Variants in RAB20 observed in about 807,000 individuals in gnomAD.
The protein encoded by RAB20 is RAB20, member RAS oncogene family, also known as ras-related protein Rab-20.
In RAB20, 2 loss-of-function variants were observed where a neutral mutation model predicts 3.7. That is an observed-to-expected ratio of 0.54 (90% CI 0.22 to 1.69). The LOEUF is 1.69. Ranked by LOEUF, RAB20 falls within the 40% of genes most tolerant of loss-of-function variation. The probability of loss-of-function intolerance (pLI) is 0.19; values close to 1 mark genes in which losing one functional copy is unlikely to be tolerated. For missense variants in RAB20, 276 were observed against 311.9 expected, an observed-to-expected ratio of 0.88 and a Z score of 0.87; for synonymous variants, 126 against 130.8, an observed-to-expected ratio of 0.96 and a Z score of 0.25.
At chr13:110,532,528 C>A (rs998040667) in intron 1 of RAB20, among the ~76,000 whole-genome samples, 21 of 152,134 alleles carry the variant, frequency 1.4e-4, no homozygotes, top group African/African-American at 5.1e-4. Context: ...AGGCACACAC[C>A]ACCAAGCCCA....
chr13:110,535,968 T>C (rs1453777767), intron 1 of RAB20, among the ~76,000 whole-genome samples: 2 of 152,178 alleles, frequency 1.3e-5, no homozygotes, highest in Non-Finnish European at 1.5e-5. Flanking sequence ...GTGGCCTCAT[T>C]TGGAAACAGG....
At position 110,533,024 on chromosome 13, in the gene RAB20, G is replaced by C. The variant is rs865827816; in HGVS notation, c.173-8827C>G. Among the ~76,000 whole-genome samples the C allele has an allele frequency of 2.6e-5, 4 of 151,976 alleles. No individual in the cohort carries two copies. The South Asian group carries it at 6.2e-4, about 24-fold the overall frequency. On this transcript the variant is annotated intron_variant, in intron 1 of 1. Transcript: ENST00000267328. Reference sequence around the variant, plus strand: ...GATGAGTTCTCTGCCTTGCCAGATCGGACAGCCCCCTGGCAGGGAGCTCAC... The same window carrying C: ...GATGAGTTCTCTGCCTTGCCAGATCCGACAGCCCCCTGGCAGGGAGCTCAC...
intron 1 of RAB20, among the ~76,000 whole-genome samples, 174 bp from the exon 2 acceptor site, chr13:110,524,371 A>G (rs393961): frequency 0.74 from 111,929 of 152,112 alleles, 41,353 homozygotes; most frequent in African/African-American, 0.79. Flanking sequence ...ACCATCCCCA[A>G]AGCAGGCAGC....
intron 1 of RAB20, among the ~76,000 whole-genome samples, chr13:110,535,832 ATT>A (rs1884630544): frequency 1.3e-5 from 2 of 152,338 alleles, no homozygotes; most frequent in South Asian, 4.1e-4. Context: ...AATGGATTTC[ATT>A]TCTCTCCTTG....
intron 1 of RAB20, among the ~76,000 whole-genome samples, chr13:110,531,490 A>T (rs1884539745): frequency 6.6e-6 from 1 of 152,196 alleles, no homozygotes; most frequent in Admixed American, 6.5e-5. Context: ...CCACCGTGTG[A>T]CCTTGGGCAA....
intron 1 of RAB20, among the ~76,000 whole-genome samples, chr13:110,529,451 T>C (rs1258279894): frequency 6.6e-6 from 1 of 152,176 alleles, no homozygotes; most frequent in Non-Finnish European, 1.5e-5. Context: ...AGTCCGTCAG[T>C]ACCAATCGTG....
chr13:110,538,774 C>T (rs766211105), intron 1 of RAB20, among the ~76,000 whole-genome samples: 26 of 152,204 alleles, frequency 1.7e-4, no homozygotes, highest in African/African-American at 5.8e-4. Context: ...GGGGCGAGAC[C>T]GTGAAAGAAC....
chr13:110,548,643 G>A lies in RAB20; in HGVS notation c.172+12705C>T, dbSNP rs573991540. Among the ~76,000 whole-genome samples the A allele has an allele frequency of 2.4e-4, 37 of 152,036 alleles. No homozygotes were observed. In the South Asian group the frequency reaches 6.3e-3, roughly 26 times the overall value. ...GTTCCTTTTTTATGCGGGGTCTGTC[G>A]GTGGGCACTGCTCCAATGTGAGGGG... On this transcript the variant is annotated intron_variant, in intron 1 of 1. Transcript: ENST00000267328.
chr13:110,547,706 T>G (rs1884879082), intron 1 of RAB20, among the ~76,000 whole-genome samples: 1 of 152,180 alleles, frequency 6.6e-6, no homozygotes, highest in Non-Finnish European at 1.5e-5. Context: ...CAGAGAGGAT[T>G]AAAGGAGCTA....
At position 110,555,163 on chromosome 13, in the gene RAB20, G is replaced by A. The variant is rs1776071355; in HGVS notation, c.172+6185C>T. 6.6e-6 allele frequency among the ~76,000 whole-genome samples: 1 copy of A among 152,188 alleles called. No homozygotes were observed. Among genetic ancestry groups the A allele is most frequent in the African/African-American group, 2.4e-5 (1 of 41,450 alleles). On this transcript the variant is annotated intron_variant, in intron 1 of 1. Coordinates refer to ENST00000267328, the MANE Select transcript of RAB20 (RefSeq NM_017817.3). The surrounding 1 kb of genome is among the most constrained non-coding windows in gnomAD (Gnocchi z 4.0). Reference sequence around the variant, plus strand: ...CACGTGGCAGGGACCCACATACAGTGGCAATTACTGTAAGTGTTGGAAGCA... The same window carrying A: ...CACGTGGCAGGGACCCACATACAGTAGCAATTACTGTAAGTGTTGGAAGCA...
At chr13:110,530,005 T>C (rs1317100299) in intron 1 of RAB20, among the ~76,000 whole-genome samples, 2 of 152,214 alleles carry the variant, frequency 1.3e-5, no homozygotes, top group African/African-American at 4.8e-5. Context: ...AGCCACACTG[T>C]TGGACAAACT....
intron 1 of RAB20, among the ~76,000 whole-genome samples, chr13:110,544,948 A>G (rs7997619): frequency 0.33 from 49,648 of 152,058 alleles, 8,213 homozygotes; most frequent in East Asian, 0.41. Context: ...CTCTTGTGGT[A>G]GTAAATAACT....
intron 1 of RAB20, among the ~76,000 whole-genome samples, chr13:110,533,102 G>A (rs766246026): frequency 6.6e-6 from 1 of 152,226 alleles, no homozygotes; most frequent in Non-Finnish European, 1.5e-5. Flanking sequence ...TCCCAGACCA[G>A]AGATGGGAGC....
intron 1 of RAB20, 37 bp from the exon 2 acceptor site, chr13:110,524,234 C>G: frequency 8.4e-6 from 13 of 1,544,022 alleles, no homozygotes; most frequent in Non-Finnish European, 1.1e-5. Context: ...GTGGTTATCT[C>G]TCATCTCAGA....
chr13:110,549,493 C>T (rs970756305), intron 1 of RAB20, among the ~76,000 whole-genome samples: 3 of 152,120 alleles, frequency 2.0e-5, no homozygotes, highest in Non-Finnish European at 2.9e-5. Context: ...ATGTTGGGTG[C>T]CTTAGGCCTC....
At chr13:110,546,474 C>T (rs1311776108) in intron 1 of RAB20, among the ~76,000 whole-genome samples, 2 of 152,122 alleles carry the variant, frequency 1.3e-5, no homozygotes, top group Non-Finnish European at 2.9e-5. Context: ...TGGTAGCGTC[C>T]CGAAAGGCAG....
In RAB20 at chr13:110,531,767, G is replaced by A. The variant is rs181845328; in HGVS notation, c.173-7570C>T. On this transcript the variant is annotated intron_variant, in intron 1 of 1. Transcript: ENST00000267328. ...CACCACCTCCTGGGGCCGACTGGGC[G>A]CTTTTGCAGTGGACCAATCTTCTAC... Among the ~76,000 whole-genome samples, 12 of 152,260 alleles carry A rather than the reference G, an allele frequency of 7.9e-5. No homozygotes were observed. In the South Asian group the frequency reaches 8.3e-4, roughly 11 times the overall value.
Position 110,555,538 on chromosome 13 carries a change from T to C in RAB20, c.172+5810A>G, listed in dbSNP as rs1426798442. On this transcript the variant is annotated intron_variant, in intron 1 of 1. Coordinates refer to ENST00000267328, the MANE Select transcript of RAB20 (RefSeq NM_017817.3). This position sits in a 1 kb window ranked among gnomAD's most constrained non-coding sequence, Gnocchi z 4.0. ...TTGCCGTCCACCCGTCCTTGGGTTC[T>C]GGCACCAAGAACATTGGGGTCTGCA... Among the ~76,000 whole-genome samples, 1 of 152,250 alleles carries C rather than the reference T, an allele frequency of 6.6e-6. No individual in the cohort carries two copies. The highest frequency in any genetic ancestry group is 1.5e-5 in the Non-Finnish European group (1 of 68,048).
chr13:110,543,299 T>C (rs1884797556), intron 1 of RAB20, among the ~76,000 whole-genome samples: 1 of 152,128 alleles, frequency 6.6e-6, no homozygotes, highest in African/African-American at 2.4e-5. Context: ...TGGCTAATTT[T>C]TCTTATTTTT....
Sources: gnomAD v4.1 joint callset for allele counts (sites outside exome capture counted in the v4.1 genomes callset) on GRCh38, gnomAD v4.1.1 for gene constraint, Gnocchi (gnomAD v3.1) non-coding constraint, MANE v1.5 for transcripts, NCBI Gene and HGNC (gene_info 2026-07-23, HGNC 2026-07-21) for gene names.